The following GSE1 variants were observed in gnomAD, a reference collection of about 807,000 sequenced individuals.
GSE1 encodes genetic suppressor element 1.
GSE1 carries 32 observed loss-of-function variants against 112.6 expected under a neutral mutation model. The observed-to-expected ratio is 0.28, with a 90% CI of 0.21 to 0.38. GSE1 has a LOEUF of 0.38. GSE1 is among the 10% of genes least tolerant of loss of function. The pLI is 1.00. For synonymous variants in GSE1, 1,115 were observed against 735.6 expected (o/e 1.52, Z -8.35); for missense variants, 2,348 against 1,699.2 (o/e 1.38, Z -6.71).
chr16:85,477,324 A>G (rs1466145050), intron 2 of GSE1, among the ~76,000 whole-genome samples: 1 of 152,062 alleles, frequency 6.6e-6, no homozygotes, highest in Non-Finnish European at 1.5e-5. Flanking sequence ...AAGATTCCGA[A>G]TATGCGTTTT....
chr16:85,363,730 T>A (rs1372169871), intron 2 of GSE1, among the ~76,000 whole-genome samples: 1 of 151,934 alleles, frequency 6.6e-6, no homozygotes, highest in African/African-American at 2.4e-5. Context: ...TTGCCCTCTG[T>A]TGGCCACCTG....
intron 1 of GSE1, among the ~76,000 whole-genome samples, chr16:85,322,297 C>T (rs1362400549): frequency 1.7e-5 from 2 of 115,846 alleles, no homozygotes; most frequent in Non-Finnish European, 3.6e-5. Flanking sequence ...AAGCCCCGGG[C>T]GGGCGGGGGG....
At chr16:85,261,185 A>G (rs573407844) in intron 1 of GSE1, among the ~76,000 whole-genome samples, 28 of 152,342 alleles carry the variant, frequency 1.8e-4, no homozygotes, top group African/African-American at 6.0e-4. Context: ...CCCAGCTCGC[A>G]TTCTTGCCAG....
At chr16:85,471,114 C>T (rs1001099260) in intron 2 of GSE1, among the ~76,000 whole-genome samples, 12 of 152,058 alleles carry the variant, frequency 7.9e-5, no homozygotes, top group African/African-American at 2.9e-4. Context: ...GAGAGGTGCA[C>T]GGCTCGGTCC....
At chr16:85,553,374 C>A (rs2045029791), upstream of GSE1, among the ~76,000 whole-genome samples, 1 of 151,408 alleles carries the variant, frequency 6.6e-6, no homozygotes. Context: ...AACAAAGGGC[C>A]GCCGGCGCCG....
At chr16:85,467,876 A>G (rs902805914) in intron 2 of GSE1, among the ~76,000 whole-genome samples, 4 of 152,230 alleles carry the variant, frequency 2.6e-5, no homozygotes, top group Non-Finnish European at 5.9e-5. Context: ...CTTACAGCAT[A>G]GGGAGAACTT....
chr16:85,655,972 G>T (rs1447532490), intron 6 of GSE1, 55 bp downstream of exon 6: 1 of 1,433,280 alleles, frequency 7.0e-7, no homozygotes, highest in Non-Finnish European at 9.5e-7. Flanking sequence ...CTTGATGGCA[G>T]CTGGGCAGAA....
At chr16:85,474,622 C>G (rs2050396512) in intron 2 of GSE1, among the ~76,000 whole-genome samples, 1 of 147,642 alleles carries the variant, frequency 6.8e-6, no homozygotes, top group Non-Finnish European at 1.5e-5. Context: ...CCCCCTTGCT[C>G]TTACCACCTC....
intron 2 of GSE1, among the ~76,000 whole-genome samples, chr16:85,438,877 C>T (rs894318802): frequency 3.3e-5 from 5 of 152,192 alleles, no homozygotes; most frequent in African/African-American, 7.2e-5. Context: ...CTGACCACTG[C>T]GTCCTGGGAA....
At chr16:85,174,306 A>G (rs1020887574) in intron 1 of GSE1, among the ~76,000 whole-genome samples, 1 of 152,232 alleles carries the variant, frequency 6.6e-6, no homozygotes, top group Non-Finnish European at 1.5e-5. Context: ...AGAAAGTGGA[A>G]CGGACTGAGA....
chr16:85,239,414 G>C (rs1904992414), intron 1 of GSE1, among the ~76,000 whole-genome samples: 3 of 152,242 alleles, frequency 2.0e-5, no homozygotes, highest in African/African-American at 7.2e-5. Context: ...TGGGGAGCTT[G>C]GTGGAAGGCG....
chr16:85,238,983 A>G (rs1904948759), intron 1 of GSE1, among the ~76,000 whole-genome samples: 1 of 151,938 alleles, frequency 6.6e-6, no homozygotes, highest in Admixed American at 6.6e-5. Context: ...ACTGGAGTGC[A>G]GTGGTGCGAT....
intron 1 of GSE1, among the ~76,000 whole-genome samples, chr16:85,631,437 A>C (rs1373945971): frequency 3.3e-5 from 5 of 152,212 alleles, no homozygotes; most frequent in African/African-American, 1.2e-4. Context: ...TCGTGGGCCC[A>C]GGGCACGGGG....
At chr16:85,379,359 C>G (rs2047495099) in intron 2 of GSE1, among the ~76,000 whole-genome samples, 1 of 152,220 alleles carries the variant, frequency 6.6e-6, no homozygotes, top group Non-Finnish European at 1.5e-5. Context: ...TAGAATGGTG[C>G]CTGGCCCCGT....
At chr16:85,322,762 T>C (rs1289037109) in intron 1 of GSE1, among the ~76,000 whole-genome samples, 1 of 151,964 alleles carries the variant, frequency 6.6e-6, no homozygotes, top group East Asian at 1.9e-4. Context: ...ACTACAGACG[T>C]CCACCACCAT....
At chr16:85,366,136 C>T (rs534049467) in intron 2 of GSE1, among the ~76,000 whole-genome samples, 2 of 152,404 alleles carry the variant, frequency 1.3e-5, no homozygotes, top group African/African-American at 2.4e-5. Flanking sequence ...GGACTGCGCT[C>T]GGGTACTGGG....
chr16:85,269,635 C>G lies in GSE1; in HGVS notation c.2284-87828C>G, dbSNP rs1908626649. ...CCGTGCTCTGCATGCCCGGCCCCTCCCCTGGCCCCCGAAGCCCCTCTGTCC... is the reference window on the plus strand; with the variant it reads ...CCGTGCTCTGCATGCCCGGCCCCTCGCCTGGCCCCCGAAGCCCCTCTGTCC... On this transcript the variant is annotated intron_variant, in intron 1 of 2. Coordinates refer to the GSE1 transcript ENST00000637419. Among the ~76,000 whole-genome samples the G allele has an allele frequency of 1.3e-5, 2 of 149,322 alleles. 1 individual carries two copies. Among genetic ancestry groups the G allele is most frequent in the Non-Finnish European group, 3.0e-5 (2 of 66,248 alleles).
intron 1 of GSE1, among the ~76,000 whole-genome samples, chr16:85,626,840 G>A (rs868314238): frequency 6.6e-6 from 1 of 151,924 alleles, no homozygotes; most frequent in African/African-American, 2.4e-5. Context: ...GAGGGGGAGC[G>A]AGGAATGGGA....
At chr16:85,631,646 G>A (rs965310415) in intron 1 of GSE1, among the ~76,000 whole-genome samples, 3 of 152,246 alleles carry the variant, frequency 2.0e-5, no homozygotes, top group Non-Finnish European at 4.4e-5. Flanking sequence ...ATGCTGTCTC[G>A]TAATGGCCCT....
Sources: gnomAD v4.1 joint callset for allele counts (sites outside exome capture counted in the v4.1 genomes callset) on GRCh38, gnomAD v4.1.1 for gene constraint, MANE v1.5 for transcripts, NCBI Gene and HGNC (gene_info 2026-07-23, HGNC 2026-07-21) for gene names.